CA10: variants seen among roughly 807,000 people sequenced by gnomAD.
The protein encoded by CA10 is carbonic anhydrase 10 (inactive).
In CA10, 14 loss-of-function variants were observed where a neutral mutation model predicts 44.2. That is an observed-to-expected ratio of 0.32 (90% CI 0.21 to 0.50). CA10 has a LOEUF of 0.50. Ranked by LOEUF, CA10 falls within the 20% of genes least tolerant of loss-of-function variation. CA10 has a pLI of 0.99. For synonymous variants in CA10, 159 were observed against 141.6 expected (o/e 1.12, Z -0.87); for missense variants, 350 against 409.7 (o/e 0.85, Z 1.26).
chr17:51,947,140 T>C lies in CA10; in HGVS notation c.137-16008A>G, dbSNP rs570322985. On this transcript the variant is annotated intron_variant, in intron 2 of 8. Coordinates refer to ENST00000451037, the MANE Select transcript of CA10 (RefSeq NM_020178.5). ...TAATGTAATTATTTAAGTATTTCTGTATGTAGAATCCACCTTGCTCTTTAG... is the reference window on the plus strand; with the variant it reads ...TAATGTAATTATTTAAGTATTTCTGCATGTAGAATCCACCTTGCTCTTTAG... Among the ~76,000 whole-genome samples, 8 of 150,100 alleles carry C rather than the reference T, an allele frequency of 5.3e-5. No individual in the cohort carries two copies. The South Asian group carries it at 1.5e-3, about 27-fold the overall frequency.
intron 4 of CA10, among the ~76,000 whole-genome samples, chr17:51,722,232 C>G (rs1423393309): frequency 3.3e-5 from 5 of 152,058 alleles, no homozygotes; most frequent in Non-Finnish European, 7.4e-5. Context: ...TCAGAGACAG[C>G]TGAATTGTCT....
At chr17:51,661,637 C>T (rs1914013483) in intron 4 of CA10, 1 of 152,174 alleles carries the variant, frequency 6.6e-6, no homozygotes, top group Non-Finnish European at 1.5e-5. Flanking sequence ...GATAATACAG[C>T]CTTCAGCTTC....
At chr17:51,809,769 G>A (rs566567598) in intron 3 of CA10, among the ~76,000 whole-genome samples, 1 of 152,194 alleles carries the variant, frequency 6.6e-6, no homozygotes, top group Non-Finnish European at 1.5e-5. Context: ...CATGATCATG[G>A]TGCTGGGGTG....
intron 4 of CA10, among the ~76,000 whole-genome samples, chr17:51,733,098 T>C (rs1916777949): frequency 6.6e-6 from 1 of 152,206 alleles, no homozygotes. Flanking sequence ...TTACCTAAGA[T>C]GCCGTCAGGA....
At chr17:51,864,113 C>A (rs1196715851) in intron 3 of CA10, among the ~76,000 whole-genome samples, 2 of 152,190 alleles carry the variant, frequency 1.3e-5, no homozygotes, top group East Asian at 3.9e-4. Flanking sequence ...TGGGAGCCCA[C>A]CATGAGTCAC....
chr17:51,690,099 C>T (rs1915139403), intron 4 of CA10, among the ~76,000 whole-genome samples: 1 of 152,186 alleles, frequency 6.6e-6, no homozygotes, highest in East Asian at 1.9e-4. Context: ...AGGAACACAC[C>T]AACACACCCA....
chr17:51,960,804 G>C (rs1983858057), intron 2 of CA10, among the ~76,000 whole-genome samples: 1 of 152,136 alleles, frequency 6.6e-6, no homozygotes, highest in South Asian at 2.1e-4. Context: ...AGAAACATTA[G>C]AACATATTCT....
chr17:52,053,039 C>T (rs1022042867), intron 2 of CA10, among the ~76,000 whole-genome samples: 2 of 151,932 alleles, frequency 1.3e-5, no homozygotes, highest in East Asian at 1.9e-4. Context: ...AACTTCAGAA[C>T]CACACAGCTG....
chr17:51,803,857 C>T (rs1907028274), intron 3 of CA10, among the ~76,000 whole-genome samples: 1 of 152,220 alleles, frequency 6.6e-6, no homozygotes. Context: ...GAAGAAAAAG[C>T]AGGCAAAGCA....
At chr17:51,979,126 A>G (rs1386239876) in intron 2 of CA10, among the ~76,000 whole-genome samples, 1 of 152,002 alleles carries the variant, frequency 6.6e-6, no homozygotes, top group Non-Finnish European at 1.5e-5. Flanking sequence ...TTAATTTCTT[A>G]TGCCTCTCCA....
intron 3 of CA10, among the ~76,000 whole-genome samples, chr17:51,895,622 G>A (rs898979457): frequency 6.6e-6 from 1 of 152,076 alleles, no homozygotes; most frequent in Non-Finnish European, 1.5e-5. Context: ...TAAGTAGGTA[G>A]TCATAAAACA....
chr17:51,774,810 T>C (rs936899486), intron 3 of CA10, among the ~76,000 whole-genome samples: 5 of 152,156 alleles, frequency 3.3e-5, no homozygotes, highest in African/African-American at 9.7e-5. Context: ...GTAATTTTTA[T>C]TTTTATTAAA....
rs183489947 is a variant in CA10 at position 52,126,879 on chromosome 17, A to G, written c.61+30847T>C. On this transcript the variant is annotated intron_variant, in intron 1 of 8. Coordinates refer to ENST00000451037, the MANE Select transcript of CA10 (RefSeq NM_020178.5). The stretch of plus-strand genomic sequence containing the variant: ...AAATAAACTAAGCAATGCCTTTTCT[A>G]TATTACATTTTGCTAAAGAATGTTT... Among the ~76,000 whole-genome samples the G allele has an allele frequency of 6.0e-4, 91 of 152,348 alleles. 1 individual carries two copies. In the East Asian group the frequency reaches 0.014, roughly 23 times the overall value.
At chr17:51,904,192 T>C (rs1330504399) in intron 3 of CA10, among the ~76,000 whole-genome samples, 1 of 148,668 alleles carries the variant, frequency 6.7e-6, no homozygotes, top group Non-Finnish European at 1.5e-5. Flanking sequence ...ATGTAATGTA[T>C]GGCTCTTAAA....
chr17:51,741,929 G>A (rs1479228009), intron 4 of CA10, among the ~76,000 whole-genome samples: 3 of 152,198 alleles, frequency 2.0e-5, no homozygotes, highest in Non-Finnish European at 2.9e-5. Context: ...AGCTAAAAAG[G>A]CCAGGTAGTA....
At chr17:51,801,908 C>T (rs758951236) in intron 3 of CA10, among the ~76,000 whole-genome samples, 1 of 152,106 alleles carries the variant, frequency 6.6e-6, no homozygotes, top group South Asian at 2.1e-4. Flanking sequence ...ATTTCATTAC[C>T]GAAGACACTG....
intron 3 of CA10, among the ~76,000 whole-genome samples, chr17:51,764,598 G>A (rs141565779): frequency 5.3e-5 from 8 of 152,234 alleles, no homozygotes; most frequent in African/African-American, 1.9e-4. Flanking sequence ...CCACAACTGC[G>A]GTTCCCCAAG....
intron 4 of CA10, among the ~76,000 whole-genome samples, chr17:51,729,214 C>T (rs1379968076): frequency 1.3e-5 from 2 of 152,190 alleles, no homozygotes; most frequent in Non-Finnish European, 2.9e-5. Flanking sequence ...AAGCACACTC[C>T]ACACTTAGGC....
At chr17:51,931,262 T>A in intron 2 of CA10, 130 bp from the exon 3 acceptor site, 8 of 825,536 alleles carry the variant, frequency 9.7e-6, no homozygotes, top group Non-Finnish European at 1.3e-5. Flanking sequence ...ATGGAGATCC[T>A]TGGGGGTTGC....
Sources: allele counts gnomAD v4.1 joint callset (sites outside exome capture counted in the v4.1 genomes callset), GRCh38; gene constraint gnomAD v4.1.1; transcripts MANE v1.5; gene names NCBI Gene and HGNC (gene_info 2026-07-23, HGNC 2026-07-21).